The following WWOX variants were observed in gnomAD, a reference collection of about 807,000 sequenced individuals.
The protein encoded by WWOX is WW domain containing oxidoreductase.
In WWOX, 69 loss-of-function variants were observed where a neutral mutation model predicts 46.2. The ratio of observed to expected loss-of-function variants is 1.49; its 90% CI spans 1.23 to 1.82. WWOX has a LOEUF of 1.82. Among genes scored for constraint, WWOX ranks in the 40% most tolerant of loss-of-function variants. The pLI, the probability that WWOX is intolerant of heterozygous loss-of-function variation, is 0.00. For missense variants in WWOX, 919 were observed against 542.6 expected (o/e 1.69, Z -6.89); for synonymous variants, 359 against 202.6 (o/e 1.77, Z -6.56).
intron 8 of WWOX, among the ~76,000 whole-genome samples, chr16:78,615,888 C>A (rs2151636536): frequency 6.6e-6 from 1 of 151,918 alleles, no homozygotes; most frequent in South Asian, 2.1e-4. Flanking sequence ...GTAGTTGGGA[C>A]TACAGGCGCC....
At chr16:78,857,573 A>G (rs912647559) in intron 8 of WWOX, among the ~76,000 whole-genome samples, 1 of 152,206 alleles carries the variant, frequency 6.6e-6, no homozygotes, top group Admixed American at 6.5e-5. Flanking sequence ...CTGTCGGTCA[A>G]GAGTCTAGTG....
chr16:78,902,050 A>G (rs2044844093), intron 8 of WWOX, among the ~76,000 whole-genome samples: 1 of 152,192 alleles, frequency 6.6e-6, no homozygotes, highest in Non-Finnish European at 1.5e-5. Context: ...GGTTGGCGGG[A>G]GTTGAGAGCT....
intron 5 of WWOX, among the ~76,000 whole-genome samples, chr16:78,386,096 G>C (rs1244975881): frequency 6.6e-6 from 1 of 152,120 alleles, no homozygotes; most frequent in Non-Finnish European, 1.5e-5. Context: ...TCAGTGACTG[G>C]GGTCAGTTCT....
chr16:79,196,829 G>T (rs912469389), intron 8 of WWOX, among the ~76,000 whole-genome samples: 13 of 152,134 alleles, frequency 8.5e-5, no homozygotes, highest in African/African-American at 2.2e-4. Flanking sequence ...CAATTCCCTG[G>T]AGAGCTAGGG....
rs561902637 is a variant in WWOX, at chr16:79,012,750, G to C, written c.1057-198858G>C. Among the ~76,000 whole-genome samples, 10 of 152,272 alleles carry C rather than the reference G, an allele frequency of 6.6e-5. No homozygotes were observed. In the South Asian group the frequency reaches 2.1e-3, roughly 32 times the overall value. ...ATACGTGCCCTTTTTTCCTCCCCTG[G>C]TGGCCAGCCAGCCCCTGAAACACAG... On this transcript the variant is annotated intron_variant, in intron 8 of 8. Coordinates refer to ENST00000566780, the MANE Select transcript of WWOX (RefSeq NM_016373.4).
chr16:78,216,016 T>G (rs8048477), intron 5 of WWOX, among the ~76,000 whole-genome samples: 31,601 of 151,978 alleles, frequency 0.21, 4,850 homozygotes, highest in African/African-American at 0.41. Flanking sequence ...AACTGGCTCC[T>G]GGCAGGACAG....
At chr16:78,795,735 A>G (rs2050719542) in intron 8 of WWOX, among the ~76,000 whole-genome samples, 1 of 151,920 alleles carries the variant, frequency 6.6e-6, no homozygotes, top group Non-Finnish European at 1.5e-5. Flanking sequence ...ATATTTCTCA[A>G]CCTCAGGTTT....
intron 8 of WWOX, among the ~76,000 whole-genome samples, chr16:78,656,847 T>A (rs929814651): frequency 5.0e-4 from 76 of 152,228 alleles, no homozygotes; most frequent in African/African-American, 1.6e-3. Flanking sequence ...TTGATGTGTT[T>A]CATGGGAAAC....
chr16:78,414,519 A>T (rs9936826), intron 6 of WWOX, among the ~76,000 whole-genome samples: 1 of 152,206 alleles, frequency 6.6e-6, no homozygotes, highest in African/African-American at 2.4e-5. Flanking sequence ...CAGTGAGCCA[A>T]TTGCGCCACT....
At chr16:78,348,967 A>T (rs1337726101) in intron 5 of WWOX, among the ~76,000 whole-genome samples, 3 of 120,924 alleles carry the variant, frequency 2.5e-5, no homozygotes, top group Non-Finnish European at 5.9e-5. Context: ...CGAGGGCCAC[A>T]TTGCAGATAG....
intron 8 of WWOX, among the ~76,000 whole-genome samples, chr16:78,697,583 T>G (rs2048128093): frequency 6.6e-6 from 1 of 152,016 alleles, no homozygotes; most frequent in Admixed American, 6.6e-5. Context: ...CATCAAAAAG[T>G]GGGCTAAGGA....
Position 78,526,005 on chromosome 16 carries a change from A to G in WWOX, c.1056+93253A>G, listed in dbSNP as rs571029115. On this transcript the variant is annotated intron_variant, in intron 8 of 8. Transcript: ENST00000566780. ...ACATGTATCATCCTATCTGCTTCTGACACCCAGTAAGCAGCTCTGGCTTTT... is the reference window on the plus strand; with the variant it reads ...ACATGTATCATCCTATCTGCTTCTGGCACCCAGTAAGCAGCTCTGGCTTTT... The G allele has an allele frequency of 2.0e-5, 3 of 152,332 alleles. No individual in the cohort carries two copies. The South Asian group carries it at 6.2e-4, about 32-fold the overall frequency. 9.4% of individuals were successfully genotyped at this position (152,332 alleles called of 1,614,324 possible).
At chr16:78,266,788 TTCTCTCTCTCTCTCTCTC>T (rs60393431) in intron 5 of WWOX, among the ~76,000 whole-genome samples, 8 of 115,618 alleles carry the variant, frequency 6.9e-5, no homozygotes, top group East Asian at 3.0e-4. Context: ...TATTCTTCTA[TTCTCTCTCTCTCTCTCTC>T]TCTCTCTCTC....
chr16:79,069,280 C>T lies in WWOX; in HGVS notation c.1057-142328C>T, dbSNP rs1033542691. 5.3e-5 allele frequency among the ~76,000 whole-genome samples: 8 copies of T among 152,304 alleles called. No individual in the cohort carries two copies. The East Asian group carries it at 1.2e-3, about 22-fold the overall frequency. On this transcript the variant is annotated intron_variant, in intron 8 of 8. Coordinates refer to ENST00000566780, the MANE Select transcript of WWOX (RefSeq NM_016373.4). ...CTGTTTAGAGTTGCCAGTTCTCTTA[C>T]GCACTCAGCGAAGGCCGTGTGGCTT...
rs139678995 is a variant in WWOX at position 78,209,318 on chromosome 16, C to T, written c.516+45029C>T. ...CAGAAAGGGAATGGGTATTAGGCTG[C>T]TCCACTGATACTTTATCCACTTCGG... On this transcript the variant is annotated intron_variant, in intron 5 of 8. Coordinates refer to ENST00000566780, the MANE Select transcript of WWOX (RefSeq NM_016373.4). 4.6e-5 allele frequency among the ~76,000 whole-genome samples: 7 copies of T among 152,306 alleles called. No homozygotes were observed. The East Asian group carries it at 1.2e-3, about 25-fold the overall frequency.
chr16:78,153,782 A>T (rs746110143), intron 4 of WWOX, among the ~76,000 whole-genome samples: 1 of 152,174 alleles, frequency 6.6e-6, no homozygotes, highest in African/African-American at 2.4e-5. Flanking sequence ...GATAATTAAA[A>T]CCATAATTTA....
chr16:78,385,174 T>G (rs1014583176), intron 5 of WWOX, among the ~76,000 whole-genome samples: 1 of 75,194 alleles, frequency 1.3e-5, no homozygotes, highest in African/African-American at 7.8e-5. Flanking sequence ...AGCACAGGGC[T>G]TTGTTAGCAG....
intron 4 of WWOX, chr16:78,123,440 G>GTTTTGTTTTTTATTTTT: frequency 2.0e-5 from 1 of 50,480 alleles, no homozygotes; most frequent in East Asian, 6.3e-4. Flanking sequence ...TTTTTGTTTT[G>GTTTTGTTTTTTATTTTT]TTTTTTTTTT....
intron 8 of WWOX, among the ~76,000 whole-genome samples, chr16:78,627,023 G>A (rs1304371718): frequency 6.6e-6 from 1 of 151,834 alleles, no homozygotes; most frequent in Non-Finnish European, 1.5e-5. Flanking sequence ...TGCTTTTTGT[G>A]CCTCCTCTTC....
Sources: gnomAD v4.1 joint callset for allele counts (sites outside exome capture counted in the v4.1 genomes callset) on GRCh38, gnomAD v4.1.1 for gene constraint, MANE v1.5 for transcripts, NCBI Gene and HGNC (gene_info 2026-07-23, HGNC 2026-07-21) for gene names.